The following PCBP3 variants were observed in gnomAD, a reference collection of about 807,000 sequenced individuals.
PCBP3 encodes the protein poly(rC)-binding protein 3.
Under a neutral mutation model 52.7 loss-of-function variants are expected in PCBP3, and 25 were observed. The observed-to-expected ratio is 0.47, with a 90% CI of 0.35 to 0.66. PCBP3 has a LOEUF of 0.66. Ranked by LOEUF, PCBP3 falls within the 30% of genes least tolerant of loss-of-function variation. PCBP3 has a pLI of 0.01. For missense variants in PCBP3, 391 were observed against 490.3 expected (o/e 0.80, Z 1.91); for synonymous variants, 162 against 183.0 (o/e 0.89, Z 0.93).
chr21:45,835,720 C>A (rs554305352), intron 4 of PCBP3, among the ~76,000 whole-genome samples: 3 of 152,294 alleles, frequency 2.0e-5, no homozygotes, highest in African/African-American at 7.2e-5. Context: ...GACTAGGCTG[C>A]ATAGCAGATC....
At chr21:45,782,119 T>C (rs1327430599) in intron 4 of PCBP3, among the ~76,000 whole-genome samples, 2 of 152,190 alleles carry the variant, frequency 1.3e-5, no homozygotes, top group Non-Finnish European at 2.9e-5. Flanking sequence ...ATAGTCTCAA[T>C]TATTTTTTAA....
chr21:45,682,910 A>G (rs1054212733), intron 2 of PCBP3, among the ~76,000 whole-genome samples: 5 of 152,158 alleles, frequency 3.3e-5, no homozygotes, highest in African/African-American at 1.2e-4. Context: ...CATAGGAGCT[A>G]TTTAGAGTCA....
chr21:45,726,055 G>GC (rs1035213507), intron 2 of PCBP3, among the ~76,000 whole-genome samples: 1 of 152,116 alleles, frequency 6.6e-6, no homozygotes, highest in Admixed American at 6.5e-5. Context: ...GGCTGCAGGT[G>GC]CCCAGGCAGT....
At chr21:45,921,903 G>A (rs1000433553) in intron 13 of PCBP3, among the ~76,000 whole-genome samples, 3 of 152,108 alleles carry the variant, frequency 2.0e-5, no homozygotes, top group South Asian at 2.1e-4. Flanking sequence ...TTTTACCCAC[G>A]TCCTCCTCGA....
At chr21:45,725,444 G>C (rs186973180) in intron 2 of PCBP3, among the ~76,000 whole-genome samples, 156 of 152,348 alleles carry the variant, frequency 1.0e-3, no homozygotes, top group African/African-American at 3.6e-3. Flanking sequence ...GATGCCCTGG[G>C]CCTCGCAGCA....
chr21:45,851,355 T>C (rs565035933), intron 5 of PCBP3, among the ~76,000 whole-genome samples: 8 of 152,244 alleles, frequency 5.3e-5, no homozygotes, highest in African/African-American at 1.9e-4. Context: ...TCTACTAAAA[T>C]ACAAAAATTA....
intron 4 of PCBP3, among the ~76,000 whole-genome samples, chr21:45,759,420 TC>T (rs1164320673): frequency 2.6e-5 from 4 of 152,208 alleles, no homozygotes; most frequent in Non-Finnish European, 4.4e-5. Context: ...CCGCTAACAT[TC>T]CATGTTTTTT....
chr21:45,779,177 G>C (rs979618699), intron 4 of PCBP3, among the ~76,000 whole-genome samples: 2 of 152,234 alleles, frequency 1.3e-5, no homozygotes, highest in Non-Finnish European at 2.9e-5. Context: ...ATGGTGCCTT[G>C]CTGTAGCCAC....
At chr21:45,772,712 T>C (rs1261007171) in intron 4 of PCBP3, among the ~76,000 whole-genome samples, 1 of 152,198 alleles carries the variant, frequency 6.6e-6, no homozygotes, top group Non-Finnish European at 1.5e-5. Context: ...TTTTCCTGCA[T>C]CCTCACCAAC....
chr21:45,738,545 C>T (rs1914165713), intron 3 of PCBP3, among the ~76,000 whole-genome samples: 4 of 152,334 alleles, frequency 2.6e-5, no homozygotes, highest in South Asian at 4.1e-4. Flanking sequence ...TGAGCCACTG[C>T]GCCTGGCCTA....
At chr21:45,848,965 A>C (rs772293518) in intron 4 of PCBP3, among the ~76,000 whole-genome samples, 12 of 152,210 alleles carry the variant, frequency 7.9e-5, no homozygotes, top group Non-Finnish European at 1.6e-4. Flanking sequence ...CTAGCTGGGA[A>C]TGGACATGCC....
intron 14 of PCBP3, among the ~76,000 whole-genome samples, chr21:45,930,335 G>A (rs555358190): frequency 6.6e-5 from 10 of 152,288 alleles, no homozygotes; most frequent in South Asian, 2.1e-4. Context: ...CCTGCTGAGC[G>A]TACCCACTGG....
chr21:45,671,098 A>G (rs1292862899), intron 2 of PCBP3, among the ~76,000 whole-genome samples: 2 of 152,180 alleles, frequency 1.3e-5, no homozygotes, highest in South Asian at 2.1e-4. Context: ...ATGGGGTTCT[A>G]TCTAGATGCA....
chr21:45,891,173 CG>C (rs1264058320), intron 5 of PCBP3, among the ~76,000 whole-genome samples: 1 of 152,164 alleles, frequency 6.6e-6, no homozygotes, highest in Non-Finnish European at 1.5e-5. Flanking sequence ...ATAGTGGAAC[CG>C]CCGTGCCGCA....
intron 11 of PCBP3, among the ~76,000 whole-genome samples, chr21:45,912,486 C>CA (rs1460888596): frequency 6.6e-6 from 1 of 152,166 alleles, no homozygotes; most frequent in East Asian, 1.9e-4. Flanking sequence ...CCTCACCTCA[C>CA]ACCCAGGAGA....
At chr21:45,903,842 C>T (rs971438195) in intron 9 of PCBP3, among the ~76,000 whole-genome samples, 1 of 152,106 alleles carries the variant, frequency 6.6e-6, no homozygotes, top group Admixed American at 6.5e-5. Context: ...AGAATGGCTG[C>T]CTCTAGAGGA....
Position 45,838,730 on chromosome 21 carries a change from G to T in PCBP3, c.-125-11231G>T, listed in dbSNP as rs181810155. Among the ~76,000 whole-genome samples the T allele has an allele frequency of 3.7e-4, 56 of 152,092 alleles. No homozygotes were observed. The East Asian group carries it at 9.9e-3, about 27-fold the overall frequency. ...ATATTATGATTAATGACTAAATTTA[G>T]AGCAATATATTTCTTTGCACTTTTT... On this transcript the variant is annotated intron_variant, in intron 4 of 17. Coordinates refer to ENST00000681687, the MANE Select transcript of PCBP3 (RefSeq NM_001384156.1).
chr21:45,803,043 A>C (rs951196018), intron 4 of PCBP3, among the ~76,000 whole-genome samples: 1 of 152,250 alleles, frequency 6.6e-6, no homozygotes, highest in Non-Finnish European at 1.5e-5. Context: ...TTGTTGTGCA[A>C]ACACTTGTTC....
At chr21:45,810,399 G>A (rs1339358633) in intron 4 of PCBP3, among the ~76,000 whole-genome samples, 1 of 151,906 alleles carries the variant, frequency 6.6e-6, no homozygotes, top group Non-Finnish European at 1.5e-5. Context: ...AGGGAGTACA[G>A]GGAGTACAGT....
Sources: gnomAD v4.1 joint callset for allele counts (sites outside exome capture counted in the v4.1 genomes callset) on GRCh38, gnomAD v4.1.1 for gene constraint, MANE v1.5 for transcripts, NCBI Gene and HGNC (gene_info 2026-07-23, HGNC 2026-07-21) for gene names.